The following ANGPT2 variants were observed in gnomAD, a reference collection of about 807,000 sequenced individuals.
The protein encoded by ANGPT2 is angiopoietin-2.
A neutral mutation model predicts 62.9 loss-of-function variants in ANGPT2; 28 were observed. The observed-to-expected ratio is 0.44, with a 90% confidence interval of 0.33 to 0.61. The LOEUF (loss-of-function observed/expected upper bound fraction) is 0.61, where lower values mean the gene tolerates loss of function less well. ANGPT2 is among the 20% of genes least tolerant of loss of function. The pLI, the probability that ANGPT2 is intolerant of heterozygous loss-of-function variation, is 0.03. For missense variants in ANGPT2, 727 were observed against 594.9 expected, an observed-to-expected ratio of 1.22 and a Z score of -2.31; for synonymous variants, 284 against 207.8, an observed-to-expected ratio of 1.37 and a Z score of -3.15.
Position 6,499,904 on chromosome 8 carries a change from T to C in ANGPT2, c.*3197A>G, listed in dbSNP as rs771694886. On this transcript the variant is annotated 3_prime_UTR_variant, in exon 9 of 9. Coordinates refer to ENST00000629816, the MANE Select transcript of ANGPT2 (RefSeq NM_001118887.2). ...TGGATTTCTGAGGAGCCGTTCGAAC[T>C]GTCTCACCACTTCCCTGCAGCTCCC... 6.2e-7 allele frequency: 1 copy of C among 1,613,746 alleles called. No individual in the cohort carries two copies. The highest frequency in any genetic ancestry group is 2.2e-5 in the East Asian group (1 of 44,876).
At chr8:6,531,812 T>C (rs1819572455) in intron 2 of ANGPT2, among the ~76,000 whole-genome samples, 2 of 152,218 alleles carry the variant, frequency 1.3e-5, no homozygotes, top group African/African-American at 2.4e-5. Context: ...AGCACCATCT[T>C]TTCTGTGGCT....
rs149555402 is a variant in ANGPT2 at position 6,519,867 on chromosome 8, G to T, written c.924C>A (p.Ile308=). The change falls in exon 5 of 9, where the codon ATC becomes ATA. Residue 308 remains isoleucine, a synonymous_variant. Coordinates refer to ENST00000629816, the MANE Select transcript of ANGPT2 (RefSeq NM_001118887.2). ...TAAGGGGAGACGAATACCTCACCTTGATCTCTTCTGTAGAATTAGGGAATG... is the reference window on the plus strand; with the variant it reads ...TAAGGGGAGACGAATACCTCACCTTTATCTCTTCTGTAGAATTAGGGAATG... The part of the protein sequence containing the change: ...TLTFPNSTEE[I]KAYCDMEAGG... The T allele has an allele frequency of 3.7e-6, 6 of 1,613,716 alleles. No homozygotes were observed. In the East Asian group the frequency reaches 1.1e-4, roughly 30 times the overall value.
At chr8:6,551,911 T>A (rs528438913) in intron 1 of ANGPT2, among the ~76,000 whole-genome samples, 1 of 152,240 alleles carries the variant, frequency 6.6e-6, no homozygotes, top group Non-Finnish European at 1.5e-5. Context: ...TACATCTGTA[T>A]GTAATAATTT....
chr8:6,525,911 C>T (rs1056766750), intron 3 of ANGPT2, among the ~76,000 whole-genome samples: 1 of 152,064 alleles, frequency 6.6e-6, no homozygotes. Flanking sequence ...ACATAATTGA[C>T]CCAAATTGGT....
intron 1 of ANGPT2, among the ~76,000 whole-genome samples, chr8:6,537,379 G>A (rs1820696681): frequency 6.6e-6 from 1 of 152,008 alleles, no homozygotes; most frequent in African/African-American, 2.4e-5. Flanking sequence ...CAGAACTCAA[G>A]TGAGTTATGC....
At chr8:6,521,731 A>G (rs527616585) in intron 3 of ANGPT2, among the ~76,000 whole-genome samples, 1 of 152,338 alleles carries the variant, frequency 6.6e-6, no homozygotes, top group South Asian at 2.1e-4. Flanking sequence ...CTCAGAAGAA[A>G]GGTGCTGCTC....
intron 1 of ANGPT2, among the ~76,000 whole-genome samples, chr8:6,533,834 C>G (rs1819997714): frequency 6.6e-6 from 1 of 152,098 alleles, no homozygotes; most frequent in East Asian, 1.9e-4. Flanking sequence ...ATGTTAACCA[C>G]TAAATAATTC....
At chr8:6,538,455 G>C (rs573520322) in intron 1 of ANGPT2, among the ~76,000 whole-genome samples, 4 of 152,174 alleles carry the variant, frequency 2.6e-5, no homozygotes, top group Non-Finnish European at 5.9e-5. Flanking sequence ...TTGCAGGTTT[G>C]CCTGAGGATA....
intron 1 of ANGPT2, among the ~76,000 whole-genome samples, chr8:6,534,411 G>A (rs1375412823): frequency 3.3e-5 from 5 of 152,014 alleles, no homozygotes; most frequent in East Asian, 3.9e-4. Context: ...TGGTATTCTC[G>A]GGAATCTTGG....
At chr8:6,526,365 T>C (rs1818339157) in intron 3 of ANGPT2, among the ~76,000 whole-genome samples, 1 of 150,878 alleles carries the variant, frequency 6.6e-6, no homozygotes, top group Non-Finnish European at 1.5e-5. Context: ...GCCCAGGAGG[T>C]TGAGGATGCA....
At chr8:6,521,149 G>T (rs756831601) in intron 4 of ANGPT2, 29 bp downstream of exon 4, 1 of 1,583,650 alleles carries the variant, frequency 6.3e-7, no homozygotes, top group East Asian at 2.2e-5. Context: ...GGTTATTAAC[G>T]CTGAAGAAAG....
At chr8:6,514,848 G>A in intron 5 of ANGPT2, 70 bp from the exon 6 acceptor site, 2 of 1,363,214 alleles carry the variant, frequency 1.5e-6, no homozygotes, top group South Asian at 1.2e-5. Context: ...AGAAGCAGGA[G>A]GAATGTAGAC....
chr8:6,503,339 A>G, intron 8 of ANGPT2, 78 bp from the exon 9 acceptor site: 2 of 1,496,646 alleles, frequency 1.3e-6, no homozygotes, highest in Non-Finnish European at 1.8e-6. Context: ...TACTCAGCTA[A>G]GGCAGGAGGC....
chr8:6,503,892 A>G (rs1055604112), intron 8 of ANGPT2, among the ~76,000 whole-genome samples: 10 of 152,332 alleles, frequency 6.6e-5, no homozygotes, highest in African/African-American at 1.9e-4. Context: ...TTGGCCAAAA[A>G]CAGGAGCATG....
chr8:6,514,397 C>A (rs1004216950), intron 6 of ANGPT2, among the ~76,000 whole-genome samples: 1 of 152,126 alleles, frequency 6.6e-6, no homozygotes, highest in Admixed American at 6.5e-5. Flanking sequence ...GTTATGTTGG[C>A]CAACTGGTCT....
intron 8 of ANGPT2, 147 bp downstream of exon 8, chr8:6,508,785 C>T (rs1814316852): frequency 8.5e-7 from 1 of 1,170,370 alleles, no homozygotes. Context: ...AAGTGAAAAA[C>T]ACATTTACCT....
chr8:6,530,188 T>C (rs965890031), intron 2 of ANGPT2, among the ~76,000 whole-genome samples: 1 of 152,106 alleles, frequency 6.6e-6, no homozygotes, highest in Non-Finnish European at 1.5e-5. Flanking sequence ...TAATTTATTT[T>C]AATAGGTTGG....
chr8:6,554,962 A>G (rs1395638281), intron 1 of ANGPT2, among the ~76,000 whole-genome samples: 1 of 152,242 alleles, frequency 6.6e-6, no homozygotes, highest in African/African-American at 2.4e-5. Context: ...TCTAATTAAA[A>G]TATTAAAGAT....
At chr8:6,504,719 T>C (rs898816404) in intron 8 of ANGPT2, among the ~76,000 whole-genome samples, 2 of 152,210 alleles carry the variant, frequency 1.3e-5, no homozygotes, top group Admixed American at 6.5e-5. Flanking sequence ...ACAAATCTTA[T>C]ATCCATGAAA....
Sources: allele counts gnomAD v4.1 joint callset (sites outside exome capture counted in the v4.1 genomes callset), GRCh38; gene constraint gnomAD v4.1.1; transcripts MANE v1.5; gene names NCBI Gene and HGNC (gene_info 2026-07-23, HGNC 2026-07-21).